PPFIA2: variants seen among roughly 807,000 people sequenced by gnomAD.
The protein encoded by PPFIA2 is PPFI scaffold protein A2.
In PPFIA2, 46 loss-of-function variants were observed where a neutral mutation model predicts 175.5. The ratio of observed to expected loss-of-function variants is 0.26; its 90% CI spans 0.21 to 0.34. The LOEUF (loss-of-function observed/expected upper bound fraction) is 0.34, where lower values mean the gene tolerates loss of function less well. PPFIA2 is among the 10% of genes least tolerant of loss of function. The pLI, the probability that PPFIA2 is intolerant of heterozygous loss-of-function variation, is 1.00. For missense variants in PPFIA2, 1,179 were observed against 1,506.1 expected, an observed-to-expected ratio of 0.78 and a Z score of 3.60; for synonymous variants, 568 against 511.4, an observed-to-expected ratio of 1.11 and a Z score of -1.49.
At chr12:81,283,372 C>T (rs1333730696) in intron 25 of PPFIA2, among the ~76,000 whole-genome samples, 1 of 151,726 alleles carries the variant, frequency 6.6e-6, no homozygotes, top group African/African-American at 2.4e-5. Context: ...CTTCTGATGA[C>T]AAATATATAT....
rs2046198421 is a variant in PPFIA2 at position 81,295,355 on chromosome 12, A to G, written c.2725-320T>C. On this transcript the variant is annotated intron_variant, in intron 23 of 32. Transcript: ENST00000549396. ...AAGTTCCCCTTTGTATGTAGGGACCAGAACGGCTACAAGCCACATTTGATA... is the reference window on the plus strand; with the variant it reads ...AAGTTCCCCTTTGTATGTAGGGACCGGAACGGCTACAAGCCACATTTGATA... Among the ~76,000 whole-genome samples the G allele has an allele frequency of 9.8e-5, 15 of 152,312 alleles. 1 individual carries two copies. The South Asian group carries it at 3.1e-3, about 32-fold the overall frequency.
At chr12:81,658,046 G>T (rs1238317635) in intron 4 of PPFIA2, among the ~76,000 whole-genome samples, 1 of 152,024 alleles carries the variant, frequency 6.6e-6, no homozygotes, top group Non-Finnish European at 1.5e-5. Context: ...AGGCGTGTGG[G>T]TAACCTGAGG....
At chr12:81,745,538 A>T (rs891300084) in intron 3 of PPFIA2, among the ~76,000 whole-genome samples, 7 of 151,548 alleles carry the variant, frequency 4.6e-5, no homozygotes, top group Non-Finnish European at 1.0e-4. Flanking sequence ...TTCTCAAAGA[A>T]CCCCTCTGTC....
intron 4 of PPFIA2, among the ~76,000 whole-genome samples, chr12:81,650,168 C>G (rs12368864): frequency 0.061 from 9,256 of 152,048 alleles, 412 homozygotes; most frequent in East Asian, 0.23. Flanking sequence ...CGCCACTGCA[C>G]CCAGCTAATT....
intron 6 of PPFIA2, among the ~76,000 whole-genome samples, chr12:81,442,894 T>TATAA (rs1566851190): frequency 5.2e-5 from 6 of 115,484 alleles, no homozygotes; most frequent in African/African-American, 2.0e-4. Context: ...TATATATATA[T>TATAA]ATATAGTATT....
At chr12:81,586,372 T>C (rs540254569) in intron 4 of PPFIA2, among the ~76,000 whole-genome samples, 34 of 152,078 alleles carry the variant, frequency 2.2e-4, no homozygotes, top group African/African-American at 7.2e-4. Flanking sequence ...AGTAATAGCA[T>C]TGACTCTTTT....
chr12:81,544,739 T>C (rs555779521), intron 4 of PPFIA2, among the ~76,000 whole-genome samples: 2 of 152,244 alleles, frequency 1.3e-5, no homozygotes, highest in East Asian at 1.9e-4. Context: ...GTTTCAAGCA[T>C]TTCCATCAGC....
At chr12:81,436,396 T>C (rs1421775782) in intron 7 of PPFIA2, among the ~76,000 whole-genome samples, 1 of 150,476 alleles carries the variant, frequency 6.6e-6, no homozygotes, top group African/African-American at 2.4e-5. Context: ...CGCAGGACTT[T>C]TGCTCTGGTT....
rs534268564 is a variant in PPFIA2 at position 81,678,870 on chromosome 12, T to C, written c.250-2026A>G. Among the ~76,000 whole-genome samples the C allele has an allele frequency of 1.6e-4, 25 of 151,890 alleles. No individual in the cohort carries two copies. The South Asian group carries it at 5.0e-3, about 30-fold the overall frequency. ...CCTAATTATATCGGCATTTTTTGGG[T>C]CTGTTTGTAAAAGGCCCACCCTCTC... On this transcript the variant is annotated intron_variant, in intron 3 of 32. Transcript: ENST00000549396.
At chr12:81,284,095 A>G in intron 25 of PPFIA2, 146 bp downstream of exon 25, 1 of 645,656 alleles carries the variant, frequency 1.5e-6, no homozygotes, top group Non-Finnish European at 2.7e-6. Flanking sequence ...GCAGTAAAAG[A>G]AAACTGTAAA....
intron 27 of PPFIA2, among the ~76,000 whole-genome samples, chr12:81,280,378 C>T (rs2041793608): frequency 6.6e-6 from 1 of 151,962 alleles, no homozygotes; most frequent in African/African-American, 2.4e-5. Context: ...AAAATATCAC[C>T]ATAAGTTGGA....
intron 4 of PPFIA2, chr12:81,512,240 C>T (rs1165426998): frequency 3.5e-6 from 4 of 1,126,880 alleles, no homozygotes; most frequent in Admixed American, 2.3e-5. Context: ...TCCCTAATGC[C>T]TTCATTACAA....
chr12:81,678,004 C>T (rs990804501), intron 3 of PPFIA2, among the ~76,000 whole-genome samples: 1 of 151,692 alleles, frequency 6.6e-6, no homozygotes, highest in Non-Finnish European at 1.5e-5. Context: ...AGTTGTAAAC[C>T]GTCCCTCATC....
At chr12:81,473,291 C>G (rs1000577462) in intron 4 of PPFIA2, among the ~76,000 whole-genome samples, 1 of 152,072 alleles carries the variant, frequency 6.6e-6, no homozygotes, top group East Asian at 1.9e-4. Context: ...CGCCTGTAAT[C>G]TCAGCTACTA....
At chr12:81,310,482 T>C (rs2050489053) in intron 22 of PPFIA2, among the ~76,000 whole-genome samples, 1 of 152,144 alleles carries the variant, frequency 6.6e-6, no homozygotes, top group Non-Finnish European at 1.5e-5. Flanking sequence ...AGTCCATTAA[T>C]AAGAATGCAT....
At chr12:81,373,811 A>G (rs2035746533) in intron 11 of PPFIA2, among the ~76,000 whole-genome samples, 2 of 152,090 alleles carry the variant, frequency 1.3e-5, no homozygotes, top group Admixed American at 6.6e-5. Flanking sequence ...GATACCTATC[A>G]TACTCACTTA....
At position 81,263,635 on chromosome 12, in the gene PPFIA2, C is replaced by A. The variant is rs561288415; in HGVS notation, c.3556-245G>T. Among the ~76,000 whole-genome samples, 113 of 152,246 alleles carry A rather than the reference C, an allele frequency of 7.4e-4. 1 individual carries two copies. The highest frequency in any genetic ancestry group is 1.2e-4 in the Non-Finnish European group (8 of 68,020). On this transcript the variant is annotated intron_variant, in intron 30 of 32. Coordinates refer to ENST00000549396, the MANE Select transcript of PPFIA2 (RefSeq NM_003625.5). Reference sequence around the variant, plus strand: ...TCAAATTTAAGGTCTGACATCTATACAGTAAATATCCTTGAAAGCCTAAAA... The same window carrying A: ...TCAAATTTAAGGTCTGACATCTATAAAGTAAATATCCTTGAAAGCCTAAAA...
At chr12:81,329,475 AT>A (rs3838824) in intron 21 of PPFIA2, among the ~76,000 whole-genome samples, 6 of 151,352 alleles carry the variant, frequency 4.0e-5, no homozygotes, top group South Asian at 4.2e-4. Flanking sequence ...ACAGTCAAGG[AT>A]TTTTTTTTGC....
intron 3 of PPFIA2, among the ~76,000 whole-genome samples, chr12:81,719,113 T>A (rs188939283): frequency 6.6e-6 from 1 of 151,660 alleles, no homozygotes; most frequent in African/African-American, 2.4e-5. Flanking sequence ...ACATTGCATA[T>A]GAATTCCCAT....
Sources: gnomAD v4.1 joint callset for allele counts (sites outside exome capture counted in the v4.1 genomes callset) on GRCh38, gnomAD v4.1.1 for gene constraint, MANE v1.5 for transcripts, NCBI Gene and HGNC (gene_info 2026-07-23, HGNC 2026-07-21) for gene names.